The following PLEKHS1 variants were observed in gnomAD, a reference collection of about 807,000 sequenced individuals.
PLEKHS1 encodes the protein pleckstrin homology domain-containing family S member 1.
In PLEKHS1, 55 loss-of-function variants were observed where a neutral mutation model predicts 51.0. The observed-to-expected ratio is 1.08, with a 90% CI of 0.87 to 1.35. The LOEUF is 1.35. Among genes scored for constraint, PLEKHS1 ranks in the 40% most tolerant of loss-of-function variants. The pLI, the probability that PLEKHS1 is intolerant of heterozygous loss-of-function variation, is 0.00. For synonymous variants in PLEKHS1, 153 were observed against 144.8 expected, an observed-to-expected ratio of 1.06 and a Z score of -0.41; for missense variants, 398 against 423.0, an observed-to-expected ratio of 0.94 and a Z score of 0.52.
At chr10:113,765,533 A>G in intron 2 of PLEKHS1, 3 of 612,850 alleles carry the variant, frequency 4.9e-6, no homozygotes, top group African/African-American at 1.8e-5. Context: ...CTTAGCAGAC[A>G]AAAGCAAAAC....
At chr10:113,759,293 A>C (rs1470953142) in intron 2 of PLEKHS1, among the ~76,000 whole-genome samples, 1 of 152,154 alleles carries the variant, frequency 6.6e-6, no homozygotes, top group Admixed American at 6.5e-5. Flanking sequence ...AATCCCAGCT[A>C]CTCAGGAGGC....
chr10:113,765,670 A>G (rs1294848107), intron 2 of PLEKHS1, among the ~76,000 whole-genome samples: 1 of 152,264 alleles, frequency 6.6e-6, no homozygotes, highest in Non-Finnish European at 1.5e-5. Context: ...TAAAATGTCT[A>G]CAATAAATAT....
intron 9 of PLEKHS1, among the ~76,000 whole-genome samples, 189 bp downstream of exon 9, chr10:113,774,522 G>A (rs1037045298): frequency 1.1e-4 from 17 of 152,036 alleles, no homozygotes; most frequent in African/African-American, 3.9e-4. Context: ...GAAAACCACC[G>A]ATGACATCCT....
intron 4 of PLEKHS1, 37 bp from the exon 5 acceptor site, chr10:113,767,308 T>C: frequency 6.8e-7 from 1 of 1,466,272 alleles, no homozygotes; most frequent in Non-Finnish European, 9.2e-7. Flanking sequence ...ATTTCTGTAT[T>C]TACCTTGGTT....
chr10:113,768,481 A>G (rs1397799121), intron 5 of PLEKHS1, among the ~76,000 whole-genome samples: 1 of 152,256 alleles, frequency 6.6e-6, no homozygotes, highest in Non-Finnish European at 1.5e-5. Context: ...GCCCACCTGC[A>G]TAGTTACACA....
intron 4 of PLEKHS1, 74 bp downstream of exon 4, chr10:113,766,792 T>A: frequency 8.4e-7 from 1 of 1,190,824 alleles, no homozygotes. Context: ...TGCATGCAAA[T>A]TGAAATTTAC....
intron 7 of PLEKHS1, 73 bp downstream of exon 7, chr10:113,769,973 G>A: frequency 9.2e-7 from 1 of 1,092,576 alleles, no homozygotes; most frequent in Non-Finnish European, 1.4e-6. Context: ...TTACCAATTA[G>A]CAATTGAATT....
intron 11 of PLEKHS1, chr10:113,777,161 A>G (rs745398364): frequency 1.2e-6 from 2 of 1,612,668 alleles, no homozygotes; most frequent in East Asian, 4.5e-5. Flanking sequence ...TTTGGGATGC[A>G]TATTTTGCCA....
At chr10:113,752,378 T>C (rs1472661978) in intron 1 of PLEKHS1, among the ~76,000 whole-genome samples, 1 of 152,208 alleles carries the variant, frequency 6.6e-6, no homozygotes, top group Non-Finnish European at 1.5e-5. Context: ...CATATACATA[T>C]TGCTTAGAAG....
chr10:113,761,125 A>G (rs971474560), intron 2 of PLEKHS1, among the ~76,000 whole-genome samples: 2 of 152,140 alleles, frequency 1.3e-5, no homozygotes, highest in Admixed American at 1.3e-4. Flanking sequence ...TCTGAATTCT[A>G]TTCCATTGGC....
chr10:113,771,427 A>G (rs1844398686), intron 7 of PLEKHS1: 1 of 152,460 alleles, frequency 6.6e-6, no homozygotes, highest in Non-Finnish European at 1.5e-5. Flanking sequence ...TAATCTCAGC[A>G]CTTTGGGAGG....
At chr10:113,777,793 C>G (rs1324418850) in intron 11 of PLEKHS1, 2 of 1,439,792 alleles carry the variant, frequency 1.4e-6, no homozygotes, top group African/African-American at 2.9e-5. Flanking sequence ...GAAATCGTCA[C>G]AGCCCTAACT....
intron 8 of PLEKHS1, among the ~76,000 whole-genome samples, chr10:113,773,146 C>T (rs534204363): frequency 6.6e-6 from 1 of 152,186 alleles, no homozygotes. Context: ...ATAAGTTAAA[C>T]AAGCTTCTTA....
intron 5 of PLEKHS1, among the ~76,000 whole-genome samples, chr10:113,768,574 TTAC>T (rs750486044): frequency 1.4e-4 from 21 of 152,232 alleles, no homozygotes; most frequent in Non-Finnish European, 2.2e-4. Context: ...AACCCTGTGA[TTAC>T]TACTATTATT....
chr10:113,761,590 T>C (rs1843935903), intron 2 of PLEKHS1, among the ~76,000 whole-genome samples: 1 of 152,088 alleles, frequency 6.6e-6, no homozygotes, highest in Non-Finnish European at 1.5e-5. Context: ...TTATTGCTGG[T>C]TTATAGAAAT....
At position 113,774,345 on chromosome 10, in the gene PLEKHS1, T is replaced by C. The variant is rs1844554050; in HGVS notation, c.779+12T>C. On this transcript the variant is annotated intron_variant, in intron 9 of 11. Transcript: ENST00000361048. ...CCAATGGAATCCTAGTAAGTCAAAA[T>C]GCCGTTTCAAAATTTGATGTTTGCT... 2.0e-6 allele frequency: 3 copies of C among 1,494,934 alleles called. No individual in the cohort carries two copies. Among genetic ancestry groups the C allele is most frequent in the Non-Finnish European group, 2.7e-6 (3 of 1,101,120 alleles). 92.6% of individuals were successfully genotyped at this position (1,494,934 alleles called of 1,614,324 possible). A position where few individuals can be genotyped will look rare whatever the true frequency, so the allele number is the denominator to read the frequency against.
At chr10:113,780,167 T>TG (rs1844822942) in intron 11 of PLEKHS1, among the ~76,000 whole-genome samples, 1 of 151,876 alleles carries the variant, frequency 6.6e-6, no homozygotes, top group African/African-American at 2.4e-5. Flanking sequence ...AGAACTGAGA[T>TG]TTTCAAGGGA....
chr10:113,765,852 T>A (rs1366182150), intron 2 of PLEKHS1, among the ~76,000 whole-genome samples: 2 of 152,210 alleles, frequency 1.3e-5, no homozygotes, highest in Non-Finnish European at 2.9e-5. Context: ...ACTAAAAAAA[T>A]TAGAGCTTCT....
chr10:113,772,377 AC>A (rs1351916880), intron 8 of PLEKHS1, among the ~76,000 whole-genome samples: 2 of 152,200 alleles, frequency 1.3e-5, no homozygotes, highest in Non-Finnish European at 2.9e-5. Context: ...GGACGAGATG[AC>A]ATTAGGCCAT....
Sources: gnomAD v4.1 joint callset for allele counts (sites outside exome capture counted in the v4.1 genomes callset) on GRCh38, gnomAD v4.1.1 for gene constraint, MANE v1.5 for transcripts, NCBI Gene and HGNC (gene_info 2026-07-23, HGNC 2026-07-21) for gene names.